Variants in DAB1 observed in about 807,000 individuals in gnomAD.
DAB1 encodes the protein disabled homolog 1.
In DAB1, 15 loss-of-function variants were observed where a neutral mutation model predicts 64.6. That is an observed-to-expected ratio of 0.23 (90% CI 0.16 to 0.36). DAB1 has a LOEUF of 0.36. Ranked by LOEUF, DAB1 falls within the 10% of genes least tolerant of loss-of-function variation. The pLI, the probability that DAB1 is intolerant of heterozygous loss-of-function variation, is 1.00. For missense variants in DAB1, 596 were observed against 706.7 expected (o/e 0.84, Z 1.78); for synonymous variants, 235 against 251.9 (o/e 0.93, Z 0.64).
intron 6 of DAB1, among the ~76,000 whole-genome samples, chr1:57,730,325 G>A (rs1229378421): frequency 2.0e-5 from 3 of 152,190 alleles, no homozygotes; most frequent in Non-Finnish European, 2.9e-5. Flanking sequence ...TGTGGAGCAG[G>A]AACCTGGAAC....
intron 1 of DAB1, among the ~76,000 whole-genome samples, chr1:57,383,381 T>C (rs1681540581): frequency 6.6e-6 from 1 of 152,154 alleles, no homozygotes; most frequent in Non-Finnish European, 1.5e-5. Flanking sequence ...TGTAGCATAA[T>C]GAAGAGCACA....
chr1:57,238,885 ACACACACACC>A (rs1668301133), intron 2 of DAB1, among the ~76,000 whole-genome samples: 2 of 151,652 alleles, frequency 1.3e-5, no homozygotes, highest in African/African-American at 4.8e-5. Context: ...ACACACACAC[ACACACACACC>A]CCTAACTTGA....
chr1:57,678,761 G>T (rs1023868840), intron 6 of DAB1, among the ~76,000 whole-genome samples: 16 of 135,802 alleles, frequency 1.2e-4, no homozygotes, highest in African/African-American at 2.5e-4. Context: ...TGAGGCAACT[G>T]TTTTTTGTTT....
intron 7 of DAB1, among the ~76,000 whole-genome samples, chr1:57,542,756 G>A (rs1002591584): frequency 2.6e-5 from 4 of 152,124 alleles, no homozygotes; most frequent in Admixed American, 6.5e-5. Flanking sequence ...AATGATGCCT[G>A]CTGCTGCTAG....
At chr1:57,272,324 T>G (rs1046083502) in intron 2 of DAB1, among the ~76,000 whole-genome samples, 9 of 152,168 alleles carry the variant, frequency 5.9e-5, no homozygotes. Context: ...GAAGTGGGTG[T>G]CTCCTGTATT....
intron 2 of DAB1, among the ~76,000 whole-genome samples, chr1:57,168,655 C>T (rs932325277): frequency 2.6e-5 from 4 of 152,178 alleles, no homozygotes; most frequent in East Asian, 1.9e-4. Flanking sequence ...TGTAGTTCCT[C>T]CCCAAATGCG....
intron 6 of DAB1, among the ~76,000 whole-genome samples, chr1:57,734,880 A>C (rs1204448133): frequency 6.6e-6 from 1 of 152,220 alleles, no homozygotes; most frequent in Non-Finnish European, 1.5e-5. Context: ...ATTATAATAA[A>C]TGATTTAAAG....
rs1467130080 is a variant in DAB1 at position 57,794,453 on chromosome 1, T to C, written n.551+89546A>G. Among the ~76,000 whole-genome samples, 3 of 152,156 alleles carry C rather than the reference T, an allele frequency of 2.0e-5. 1 individual carries two copies. The East Asian group carries it at 5.8e-4, about 29-fold the overall frequency. On this transcript the variant is annotated intron_variant and non_coding_transcript_variant, in intron 6 of 20. Transcript: ENST00000485760. ...TCAGAGGTCTCTACTTTATTACATGTTCTTCTTTCTTCTTGGGATGTTCTA... is the reference window on the plus strand; with the variant it reads ...TCAGAGGTCTCTACTTTATTACATGCTCTTCTTTCTTCTTGGGATGTTCTA...
At chr1:57,534,252 G>A in intron 7 of DAB1, among the ~76,000 whole-genome samples, 1 of 152,126 alleles carries the variant, frequency 6.6e-6, no homozygotes, top group East Asian at 1.9e-4. Flanking sequence ...TGCAATGGTG[G>A]CAGTTAAATA....
At chr1:57,703,009 TCTTC>T (rs1204540173) in intron 6 of DAB1, among the ~76,000 whole-genome samples, 4 of 152,116 alleles carry the variant, frequency 2.6e-5, no homozygotes, top group Admixed American at 6.6e-5. Context: ...AAACTGGACC[TCTTC>T]CTTACACCAT....
At chr1:58,409,827 T>C (rs1644649993) in intron 3 of DAB1, among the ~76,000 whole-genome samples, 2 of 152,222 alleles carry the variant, frequency 1.3e-5, no homozygotes, top group Admixed American at 1.3e-4. Flanking sequence ...GGGTCCTGTT[T>C]AGCCAAGGGA....
intron 6 of DAB1, among the ~76,000 whole-genome samples, chr1:57,728,198 C>T (rs149927247): frequency 1.3e-5 from 2 of 152,106 alleles, no homozygotes; most frequent in African/African-American, 4.8e-5. Context: ...TATGCATGTG[C>T]CTGTTTTTTT....
chr1:57,469,253 C>T (rs1687059729), intron 7 of DAB1, among the ~76,000 whole-genome samples: 1 of 152,122 alleles, frequency 6.6e-6, no homozygotes, highest in Admixed American at 6.6e-5. Flanking sequence ...TTTAAGGAAA[C>T]AATTAACATA....
At chr1:58,351,610 C>T (rs1437537554) in intron 3 of DAB1, among the ~76,000 whole-genome samples, 3 of 151,746 alleles carry the variant, frequency 2.0e-5, no homozygotes, top group Admixed American at 6.6e-5. Context: ...TCAGTTTCCT[C>T]ATTGGTAAGG....
intron 4 of DAB1, among the ~76,000 whole-genome samples, chr1:58,174,172 T>C (rs931043790): frequency 6.6e-6 from 1 of 152,198 alleles, no homozygotes; most frequent in Non-Finnish European, 1.5e-5. Context: ...CAGTTGGGGA[T>C]AGTATGAAAT....
intron 6 of DAB1, among the ~76,000 whole-genome samples, chr1:57,762,815 C>T (rs1404856700): frequency 6.6e-6 from 1 of 152,194 alleles, no homozygotes; most frequent in Non-Finnish European, 1.5e-5. Context: ...GAGAGATGTC[C>T]TTTATCCTTG....
intron 5 of DAB1, among the ~76,000 whole-genome samples, chr1:58,129,866 T>C (rs1290214826): frequency 6.7e-6 from 1 of 149,358 alleles, no homozygotes; most frequent in Non-Finnish European, 1.5e-5. Flanking sequence ...TGAGGAGAGC[T>C]TTACTTCCAA....
intron 3 of DAB1, among the ~76,000 whole-genome samples, chr1:58,369,413 A>G (rs1644245660): frequency 6.6e-6 from 1 of 152,208 alleles, no homozygotes; most frequent in Non-Finnish European, 1.5e-5. Context: ...TGAACTTTAC[A>G]GCTGATGCTA....
chr1:57,350,950 C>G (rs1184874779), intron 1 of DAB1, among the ~76,000 whole-genome samples: 1 of 152,006 alleles, frequency 6.6e-6, no homozygotes, highest in African/African-American at 2.4e-5. Context: ...AGAAGAGGCC[C>G]CTGACCTCAA....
Sources: gnomAD v4.1 joint callset for allele counts (sites outside exome capture counted in the v4.1 genomes callset) on GRCh38, gnomAD v4.1.1 for gene constraint, MANE v1.5 for transcripts, NCBI Gene and HGNC (gene_info 2026-07-23, HGNC 2026-07-21) for gene names.